The following GRIN2A variants were observed in gnomAD, a reference collection of about 807,000 sequenced individuals.
GRIN2A encodes the protein glutamate receptor ionotropic, NMDA 2A.
A neutral mutation model predicts 113.4 loss-of-function variants in GRIN2A; 22 were observed. The ratio of observed to expected loss-of-function variants is 0.19; its 90% CI spans 0.14 to 0.28. The LOEUF (loss-of-function observed/expected upper bound fraction) is 0.28. Among genes scored for constraint, GRIN2A ranks in the 10% least tolerant of loss-of-function variants. The probability of loss-of-function intolerance (pLI) is 1.00; values close to 1 mark genes in which losing one functional copy is unlikely to be tolerated. For missense variants in GRIN2A, 1,502 were observed against 1,887.0 expected (o/e 0.80, Z 3.78); for synonymous variants, 827 against 738.4 (o/e 1.12, Z -1.94).
chr16:10,144,406 T>C (rs888229918), intron 2 of GRIN2A, among the ~76,000 whole-genome samples: 3 of 152,232 alleles, frequency 2.0e-5, no homozygotes, highest in African/African-American at 7.2e-5. Context: ...ATCTCCCTGA[T>C]GATTAATGAT....
rs1459470155 is a variant in GRIN2A at position 9,754,676 on chromosome 16, T to C, written c.*8473A>G. On this transcript the variant is annotated 3_prime_UTR_variant, in exon 13 of 13. Coordinates refer to ENST00000330684, the MANE Select transcript of GRIN2A (RefSeq NM_001134407.3). ...TAAAAAAGATTTTAAAAGTCAATAC[T>C]GTTCATTCACTTGAATTAGCTTGAC... The C allele has an allele frequency of 4.6e-6, 1 of 218,922 alleles. No individual in the cohort carries two copies. The highest frequency in any genetic ancestry group is 9.2e-6 in the Non-Finnish European group (1 of 109,122). The allele number at this position is 218,922 out of a possible 1,614,324, so 13.6% of individuals were successfully genotyped here.
chr16:9,823,334 A>G (rs1468052402), intron 9 of GRIN2A, among the ~76,000 whole-genome samples: 1 of 152,134 alleles, frequency 6.6e-6, no homozygotes, highest in Non-Finnish European at 1.5e-5. Flanking sequence ...TATCACATAC[A>G]AGCTATGGAA....
chr16:9,934,707 G>GAAAAA (rs1555455128), intron 3 of GRIN2A, among the ~76,000 whole-genome samples: 7 of 103,946 alleles, frequency 6.7e-5, no homozygotes, highest in Admixed American at 1.8e-4. Context: ...AAAAAAAAAG[G>GAAAAA]AGATATAATC....
At chr16:9,996,299 C>A (rs1258303515) in intron 2 of GRIN2A, among the ~76,000 whole-genome samples, 1 of 152,174 alleles carries the variant, frequency 6.6e-6, no homozygotes, top group African/African-American at 2.4e-5. Context: ...AGGGAGCAGA[C>A]CTCATTCTCT....
chr16:10,180,425 G>T lies in GRIN2A; in HGVS notation c.-14C>A. 6.2e-7 allele frequency: 1 copy of T among 1,602,192 alleles called. No homozygotes were observed. The highest frequency in any genetic ancestry group is 8.5e-7 in the Non-Finnish European group (1 of 1,178,944). On this transcript the variant is annotated 5_prime_UTR_variant, in exon 2 of 13. Transcript: ENST00000330684. The surrounding 1 kb of genome is among the most constrained non-coding windows in gnomAD (Gnocchi z 7.0). ...CACTCTGCCCATAGTCGCCACTGAC[G>T]GTCCCTGCAAGGTGAAGAGTGAGAG...
intron 4 of GRIN2A, among the ~76,000 whole-genome samples, chr16:9,854,348 C>T (rs2042933634): frequency 1.3e-5 from 2 of 151,368 alleles, no homozygotes. Context: ...ATTAAATTTC[C>T]CCAGAGAAAG....
intron 5 of GRIN2A, among the ~76,000 whole-genome samples, chr16:9,842,655 G>C (rs2042700960): frequency 6.6e-6 from 1 of 152,194 alleles, no homozygotes; most frequent in African/African-American, 2.4e-5. Flanking sequence ...ATGAAGCATA[G>C]GACAGGTGCA....
chr16:9,842,894 G>A (rs1322718287), intron 5 of GRIN2A, among the ~76,000 whole-genome samples: 1 of 151,700 alleles, frequency 6.6e-6, no homozygotes, highest in African/African-American at 2.4e-5. Context: ...TCGCACCACT[G>A]CACTCCAGCC....
At chr16:9,958,152 T>C (rs997800161) in intron 2 of GRIN2A, among the ~76,000 whole-genome samples, 1 of 152,218 alleles carries the variant, frequency 6.6e-6, no homozygotes, top group Non-Finnish European at 1.5e-5. Context: ...CATAAGCGAC[T>C]GTGAGGATTA....
At chr16:10,176,314 C>T (rs2050148041) in intron 2 of GRIN2A, among the ~76,000 whole-genome samples, 1 of 152,074 alleles carries the variant, frequency 6.6e-6, no homozygotes, top group South Asian at 2.1e-4. Flanking sequence ...CTTATTTTCA[C>T]CTCTAATTTA....
chr16:10,030,907 T>C lies in GRIN2A; in HGVS notation c.415-92356A>G, dbSNP rs568252143. Reference sequence around the variant, plus strand: ...AAAAGCAATAAATAGATGTATTATTTGTTGCCCTAAAAAAGTGAAAAGTGA... The same window carrying C: ...AAAAGCAATAAATAGATGTATTATTCGTTGCCCTAAAAAAGTGAAAAGTGA... On this transcript the variant is annotated intron_variant, in intron 2 of 12. Coordinates refer to ENST00000330684, the MANE Select transcript of GRIN2A (RefSeq NM_001134407.3). 3.3e-5 allele frequency among the ~76,000 whole-genome samples: 5 copies of C among 152,328 alleles called. No homozygotes were observed. In the South Asian group the frequency reaches 1.0e-3, roughly 32 times the overall value.
chr16:10,069,435 A>T (rs998160405), intron 2 of GRIN2A, among the ~76,000 whole-genome samples: 2 of 152,226 alleles, frequency 1.3e-5, no homozygotes, highest in Non-Finnish European at 2.9e-5. Context: ...CAGACAACAC[A>T]CACACCAGGC....
intron 2 of GRIN2A, among the ~76,000 whole-genome samples, chr16:9,991,314 A>G (rs909821539): frequency 2.0e-5 from 3 of 152,216 alleles, no homozygotes; most frequent in African/African-American, 4.8e-5. Flanking sequence ...AACCAGTTCA[A>G]TCTTGGTCCT....
chr16:10,110,299 G>A (rs1456970329), intron 2 of GRIN2A, among the ~76,000 whole-genome samples: 4 of 152,236 alleles, frequency 2.6e-5, no homozygotes, highest in African/African-American at 4.8e-5. Context: ...GGGGAACGTG[G>A]TAATGGATGA....
intron 2 of GRIN2A, among the ~76,000 whole-genome samples, chr16:9,953,039 G>T (rs1397064922): frequency 6.6e-6 from 1 of 152,148 alleles, no homozygotes; most frequent in African/African-American, 2.4e-5. Context: ...GACCACTTGA[G>T]CTTGAGTATG....
intron 2 of GRIN2A, among the ~76,000 whole-genome samples, chr16:10,160,358 G>C (rs537346736): frequency 6.6e-6 from 1 of 152,308 alleles, no homozygotes; most frequent in East Asian, 1.9e-4. Context: ...CGTGGACCAA[G>C]GGCATGTGAA....
rs547958035 is a variant in GRIN2A, at chr16:9,757,705, T to C, written c.*5444A>G. 5.5e-5 allele frequency: 12 copies of C among 217,130 alleles called. No individual in the cohort carries two copies. The highest frequency in any genetic ancestry group is 4.1e-4 in the East Asian group (6 of 14,708). The allele number at this position is 217,130 out of a possible 1,614,324, so 13.5% of individuals were successfully genotyped here. On this transcript the variant is annotated 3_prime_UTR_variant, in exon 13 of 13. Coordinates refer to ENST00000330684, the MANE Select transcript of GRIN2A (RefSeq NM_001134407.3). ...TATTTCAATGGTCACTGCCAGCCTT[T>C]TATCTTCAGTTTGAGGTTTTAAACA...
Position 9,754,539 on chromosome 16 carries a change from T to A in GRIN2A, c.*8610A>T, listed in dbSNP as rs1169528021. On this transcript the variant is annotated 3_prime_UTR_variant, in exon 13 of 13. Transcript: ENST00000330684. ...AATTTCAAACAAGATCACCTGGATT[T>A]GGCTCAAATTAGAGGCCTGAATCTT... The A allele has an allele frequency of 9.4e-6, 2 of 212,756 alleles. No homozygotes were observed. Among genetic ancestry groups the A allele is most frequent in the Non-Finnish European group, 1.9e-5 (2 of 105,282 alleles). The allele number at this position is 212,756 out of a possible 1,614,324, so 13.2% of individuals were successfully genotyped here. A position where few individuals can be genotyped will look rare whatever the true frequency, so the allele number is the denominator to read the frequency against.
chr16:9,785,688 C>T (rs539195517), intron 11 of GRIN2A, among the ~76,000 whole-genome samples: 18 of 151,820 alleles, frequency 1.2e-4, no homozygotes, highest in Non-Finnish European at 2.6e-4. Flanking sequence ...CATGGAGATT[C>T]AATTTAGAAC....
Sources: allele counts gnomAD v4.1 joint callset (sites outside exome capture counted in the v4.1 genomes callset), GRCh38; gene constraint gnomAD v4.1.1; non-coding constraint Gnocchi (gnomAD v3.1); transcripts MANE v1.5; gene names NCBI Gene and HGNC (gene_info 2026-07-23, HGNC 2026-07-21).